The following PRORP variants were observed in gnomAD, a reference collection of about 807,000 sequenced individuals.
The protein encoded by PRORP is mitochondrial ribonuclease P catalytic subunit.
A neutral mutation model predicts 59.4 loss-of-function variants in PRORP; 51 were observed. The observed-to-expected ratio is 0.86, with a 90% CI of 0.69 to 1.08. PRORP has a LOEUF of 1.08. PRORP is among the 50% of genes least tolerant of loss of function. The probability of loss-of-function intolerance (pLI) is 0.00; values close to 1 mark genes in which losing one functional copy is unlikely to be tolerated. For synonymous variants in PRORP, 231 were observed against 245.6 expected (o/e 0.94, Z 0.55); for missense variants, 646 against 690.3 (o/e 0.94, Z 0.72).
Position 35,270,463 on chromosome 14 carries a change from T to C in PRORP, c.1487T>C (p.Ile496Thr). 3 of 1,614,118 alleles carry C rather than the reference T, an allele frequency of 1.9e-6. No homozygotes were observed. The highest frequency in any genetic ancestry group is 2.5e-6 in the Non-Finnish European group (3 of 1,180,034). The change falls in exon 7 of 8, where the codon ATC (isoleucine) becomes ACC (threonine). Residue 496 changes from isoleucine to threonine, a missense_variant. Ile to Thr is a moderately conservative substitution (Grantham distance 89). Transcript: ENST00000534898. ...TLHSGNHCRF[I>T]TRDLMRDHKA... The stretch of plus-strand genomic sequence containing the variant: ...CACTCCGGGAATCACTGCAGGTTTA[T>C]CACAAGAGACCTGATGCGGGACCAC...
At position 35,144,194 on chromosome 14, in the gene PRORP, A is replaced by C. The variant is rs190990849; in HGVS notation, c.1167+16583A>C. 5 of 151,972 alleles carry C rather than the reference A, an allele frequency of 3.3e-5. 1 individual carries two copies. The East Asian group carries it at 1.1e-3, about 34-fold the overall frequency. The allele number at this position is 151,972 out of a possible 1,614,324, so 9.4% of individuals were successfully genotyped here. A position where few individuals can be genotyped will look rare whatever the true frequency, so the allele number is the denominator to read the frequency against. On this transcript the variant is annotated intron_variant, in intron 4 of 7. Transcript: ENST00000534898. ...GGTGCTTGTTGGCTTTGATAACCAC[A>C]GTGAACACAGATGTGGTATTGTCTT...
intron 4 of PRORP, among the ~76,000 whole-genome samples, chr14:35,149,385 A>G (rs8019709): frequency 0.19 from 28,083 of 151,680 alleles, 2,724 homozygotes; most frequent in Middle Eastern, 0.28. Flanking sequence ...GATCATTTTT[A>G]AATTTTTTGT....
intron 4 of PRORP, among the ~76,000 whole-genome samples, chr14:35,165,578 T>C (rs1207693127): frequency 6.6e-6 from 1 of 152,160 alleles, no homozygotes; most frequent in East Asian, 1.9e-4. Context: ...TGGAAGTGTG[T>C]AGGATTTTTT....
intron 5 of PRORP, among the ~76,000 whole-genome samples, chr14:35,198,848 T>C (rs192090824): frequency 1.4e-3 from 219 of 151,906 alleles, no homozygotes; most frequent in Non-Finnish European, 2.2e-3. Context: ...CTGGCCAACA[T>C]GGTGAAACCC....
intron 4 of PRORP, among the ~76,000 whole-genome samples, chr14:35,150,629 A>T (rs2047721339): frequency 6.6e-6 from 1 of 152,204 alleles, no homozygotes; most frequent in African/African-American, 2.4e-5. Flanking sequence ...CTGAAATTCT[A>T]CCAGCTGGGA....
At chr14:35,255,272 C>G (rs867865427) in intron 5 of PRORP, among the ~76,000 whole-genome samples, 13 of 152,062 alleles carry the variant, frequency 8.5e-5, no homozygotes, top group South Asian at 2.1e-4. Context: ...GGACTACAAG[C>G]ATGTGCCACC....
rs2049378594 is a variant in PRORP, at chr14:35,209,345, G to A, written c.1275+28568G>A. On this transcript the variant is annotated intron_variant, in intron 5 of 7. Transcript: ENST00000534898. ...AGCAGTTCTAGACCTTCAAACATAA[G>A]GAGTACCTTCCTCCTCATAAATTTC... 2.6e-5 allele frequency among the ~76,000 whole-genome samples: 4 copies of A among 152,262 alleles called. No homozygotes were observed. In the South Asian group the frequency reaches 8.3e-4, roughly 32 times the overall value.
chr14:35,175,192 G>T (rs1200321813), intron 4 of PRORP, among the ~76,000 whole-genome samples: 2 of 152,042 alleles, frequency 1.3e-5, no homozygotes, highest in South Asian at 2.1e-4. Flanking sequence ...GAACAGTGCC[G>T]CAATAAACAT....
At chr14:35,221,396 G>T (rs531606651) in intron 5 of PRORP, among the ~76,000 whole-genome samples, 20 of 152,056 alleles carry the variant, frequency 1.3e-4, no homozygotes, top group Non-Finnish European at 1.0e-4. Flanking sequence ...CTCTAATATG[G>T]CTTGGTATGG....
rs757997439 is a variant in PRORP, at chr14:35,123,559, T to C, written c.314T>C (p.Leu105Ser). Residue 105 changes from leucine to serine, a missense_variant, in exon 2 of 8, where the codon TTG (leucine) becomes TCG (serine). Leu to Ser is a moderately radical substitution (Grantham distance 145). Transcript: ENST00000534898. ...QMNSQTEDHA[L>S]APVRNTIQLP... ...AATTCTCAAACTGAAGATCATGCCT[T>C]GGCACCTGTGAGGAACACTATTCAA... 6.2e-7 allele frequency: 1 copy of C among 1,614,220 alleles called. No homozygotes were observed. Among genetic ancestry groups the C allele is most frequent in the South Asian group, 1.1e-5 (1 of 91,090 alleles).
intron 5 of PRORP, among the ~76,000 whole-genome samples, chr14:35,232,946 T>C (rs551908434): frequency 6.6e-6 from 1 of 152,174 alleles, no homozygotes; most frequent in Non-Finnish European, 1.5e-5. Context: ...GTGCTGGGAT[T>C]GCAGGCATGA....
At chr14:35,217,995 A>G (rs1481165576) in intron 5 of PRORP, among the ~76,000 whole-genome samples, 1 of 152,150 alleles carries the variant, frequency 6.6e-6, no homozygotes, top group Non-Finnish European at 1.5e-5. Context: ...AGAGATTTTG[A>G]TAGAAGTTAC....
intron 4 of PRORP, among the ~76,000 whole-genome samples, chr14:35,152,780 C>T (rs2047804269): frequency 6.6e-6 from 1 of 151,972 alleles, no homozygotes; most frequent in Non-Finnish European, 1.5e-5. Context: ...AGGCGCTCCT[C>T]ACATCCCAGA....
intron 5 of PRORP, among the ~76,000 whole-genome samples, chr14:35,198,355 T>C (rs1347523340): frequency 6.6e-6 from 1 of 152,166 alleles, no homozygotes; most frequent in Non-Finnish European, 1.5e-5. Context: ...AACCGGTGAA[T>C]GGATTGTGTA....
intron 5 of PRORP, among the ~76,000 whole-genome samples, chr14:35,203,090 A>G (rs2049198791): frequency 6.6e-6 from 1 of 152,170 alleles, no homozygotes; most frequent in Admixed American, 6.5e-5. Context: ...ATAAAGGTTT[A>G]TTTTTAAAGT....
intron 5 of PRORP, among the ~76,000 whole-genome samples, chr14:35,210,059 T>C (rs1433550035): frequency 6.6e-6 from 1 of 152,206 alleles, no homozygotes; most frequent in African/African-American, 2.4e-5. Flanking sequence ...CAGCACAGAA[T>C]TGTAAAAATT....
At chr14:35,124,335 A>G (rs1342144059) in intron 2 of PRORP, 104 bp downstream of exon 2, 1 of 685,744 alleles carries the variant, frequency 1.5e-6, no homozygotes, top group African/African-American at 1.8e-5. Context: ...TGGTGTGTTC[A>G]TAGCTCACTG....
chr14:35,189,873 G>C (rs1481715830), intron 5 of PRORP, among the ~76,000 whole-genome samples: 1 of 152,146 alleles, frequency 6.6e-6, no homozygotes, highest in Admixed American at 6.6e-5. Context: ...CACTTTGGGA[G>C]GCTGTGGCGG....
intron 4 of PRORP, among the ~76,000 whole-genome samples, chr14:35,130,027 TTTC>T (rs2047197120): frequency 1.4e-5 from 2 of 146,502 alleles, no homozygotes; most frequent in Non-Finnish European, 3.0e-5. Context: ...TTGTTTAGAC[TTTC>T]TTTTTTTTTT....
Sources: allele counts gnomAD v4.1 joint callset (sites outside exome capture counted in the v4.1 genomes callset), GRCh38; gene constraint gnomAD v4.1.1; transcripts MANE v1.5; gene names NCBI Gene and HGNC (gene_info 2026-07-23, HGNC 2026-07-21).